ATP8B1: variants seen among roughly 807,000 people sequenced by gnomAD.
The protein encoded by ATP8B1 is ATPase phospholipid transporting 8B1.
ATP8B1 carries 80 observed loss-of-function variants against 149.9 expected under a neutral mutation model. That is an observed-to-expected ratio of 0.53 (90% CI 0.45 to 0.64). The LOEUF is 0.64. Among genes scored for constraint, ATP8B1 ranks in the 30% least tolerant of loss-of-function variants. ATP8B1 has a pLI of 0.00. For missense variants in ATP8B1, 1,247 were observed against 1,552.6 expected, an observed-to-expected ratio of 0.80 and a Z score of 3.31; for synonymous variants, 536 against 562.8, an observed-to-expected ratio of 0.95 and a Z score of 0.67.
At chr18:57,783,384 C>T (rs2080375570) in intron 1 of ATP8B1, among the ~76,000 whole-genome samples, 1 of 152,152 alleles carries the variant, frequency 6.6e-6, no homozygotes, top group Non-Finnish European at 1.5e-5. Flanking sequence ...AGGGTGGACA[C>T]ATATGGTTTA....
chr18:57,764,314 T>G (rs930460939), intron 1 of ATP8B1, among the ~76,000 whole-genome samples: 3 of 127,458 alleles, frequency 2.4e-5, no homozygotes, highest in African/African-American at 9.2e-5. Context: ...TCCTTCTTTC[T>G]TTCTTTCTTT....
chr18:57,647,049 G>C lies in ATP8B1; in HGVS notation c.*1439C>G, dbSNP rs770785019. 6.6e-6 allele frequency: 1 copy of C among 152,086 alleles called. No individual in the cohort carries two copies. Among genetic ancestry groups the C allele is most frequent in the South Asian group, 2.1e-4 (1 of 4,824 alleles). The allele number at this position is 152,086 out of a possible 1,614,324, so 9.4% of individuals were successfully genotyped here. A position where few individuals can be genotyped will look rare whatever the true frequency, so the allele number is the denominator to read the frequency against. ...GTGGCTGCCAATAACCTTTTCTCTC[G>C]ACATAAGACAAGTGAAAAAGAGTGA... On this transcript the variant is annotated 3_prime_UTR_variant, in exon 28 of 28. Transcript: ENST00000648908.
At chr18:57,672,003 A>C (rs1911241828) in intron 16 of ATP8B1, among the ~76,000 whole-genome samples, 1 of 152,242 alleles carries the variant, frequency 6.6e-6, no homozygotes, top group Admixed American at 6.5e-5. Flanking sequence ...TTAGCTTAAA[A>C]CCATCAGTTC....
chr18:57,745,350 C>T (rs2079954852), intron 1 of ATP8B1, among the ~76,000 whole-genome samples: 1 of 151,964 alleles, frequency 6.6e-6, no homozygotes, highest in South Asian at 2.1e-4. Flanking sequence ...CGGCTCACTG[C>T]AACCTCCGCC....
intron 1 of ATP8B1, among the ~76,000 whole-genome samples, chr18:57,745,276 A>AT (rs967953908): frequency 1.5e-3 from 214 of 146,840 alleles, no homozygotes; most frequent in Admixed American, 3.7e-3. Flanking sequence ...ACTGAAACAA[A>AT]TTTTTTTTTT....
chr18:57,735,423 A>G (rs919845715), intron 1 of ATP8B1: 2 of 153,196 alleles, frequency 1.3e-5, no homozygotes, highest in Non-Finnish European at 2.9e-5. Flanking sequence ...ACGACTTCTA[A>G]TAGAGCTATA....
chr18:57,672,961 A>G (rs796865899), intron 16 of ATP8B1, among the ~76,000 whole-genome samples: 17,850 of 95,996 alleles, frequency 0.19, 3,332 homozygotes, highest in East Asian at 0.55. Flanking sequence ...ATACATACAT[A>G]TATCTACATA....
At chr18:57,731,975 T>C in intron 1 of ATP8B1, 143 bp from the exon 2 acceptor site, 1 of 816,194 alleles carries the variant, frequency 1.2e-6, no homozygotes, top group Non-Finnish European at 2.0e-6. Context: ...CAAATTCAAC[T>C]TGACATGAAG....
At chr18:57,731,509 G>T in intron 2 of ATP8B1, 118 bp downstream of exon 2, 2 of 1,158,234 alleles carry the variant, frequency 1.7e-6, no homozygotes, top group Non-Finnish European at 2.5e-6. Flanking sequence ...CCTAAGAAGA[G>T]ATCAGAGAAG....
chr18:57,749,965 G>A (rs543381499), intron 1 of ATP8B1, among the ~76,000 whole-genome samples: 30 of 152,232 alleles, frequency 2.0e-4, no homozygotes, highest in Non-Finnish European at 3.7e-4. Flanking sequence ...GTTTAGTGCC[G>A]GGTGCAGTGG....
intron 1 of ATP8B1, among the ~76,000 whole-genome samples, chr18:57,766,691 G>T (rs367736934): frequency 1.1e-3 from 161 of 152,308 alleles, no homozygotes; most frequent in Non-Finnish European, 1.9e-3. Context: ...CAAGCTCCCG[G>T]GTGATGCCAG....
intron 1 of ATP8B1, among the ~76,000 whole-genome samples, chr18:57,757,534 T>G (rs7237088): frequency 0.19 from 28,290 of 152,160 alleles, 2,750 homozygotes; most frequent in South Asian, 0.31. Flanking sequence ...TATACACTTA[T>G]GCACACACGC....
In ATP8B1 at chr18:57,783,152, C is replaced by T. The variant is rs560156340; in HGVS notation, c.-26+19846G>A. 1.9e-3 allele frequency among the ~76,000 whole-genome samples: 292 copies of T among 152,060 alleles called. 1 individual carries two copies. Among genetic ancestry groups the T allele is most frequent in the Middle Eastern group, 3.4e-3 (1 of 294 alleles). On this transcript the variant is annotated intron_variant, in intron 1 of 27. Transcript: ENST00000648908. ...TAAAGATGCACTGGCTGAAGGGAGG[C>T]GGGGACGTTCCTAGAAGTATGATGG...
intron 1 of ATP8B1, among the ~76,000 whole-genome samples, chr18:57,750,690 C>G (rs2080008332): frequency 6.6e-6 from 1 of 152,218 alleles, no homozygotes; most frequent in African/African-American, 2.4e-5. Flanking sequence ...CCTCCTTCAT[C>G]TTAACAGACG....
chr18:57,714,924 A>G (rs534990293), intron 2 of ATP8B1, among the ~76,000 whole-genome samples: 2 of 152,364 alleles, frequency 1.3e-5, no homozygotes, highest in African/African-American at 4.8e-5. Context: ...CATCCAGGAA[A>G]ACATGACTTC....
rs76157409 is a variant in ATP8B1, at chr18:57,709,619, T to C, written c.182-3032A>G. Among the ~76,000 whole-genome samples the C allele has an allele frequency of 6.4e-3, 969 of 152,278 alleles. 12 individuals carry two copies. The highest frequency in any genetic ancestry group is 0.022 in the African/African-American group (931 of 41,552). On this transcript the variant is annotated intron_variant, in intron 2 of 27. Coordinates refer to ENST00000648908, the MANE Select transcript of ATP8B1 (RefSeq NM_001374385.1). ...TTACTGGACACTTGAACTACAAAGA[T>C]AATTTACAGAAAGAGTAAGCATCTT...
chr18:57,671,757 GGAC>G (rs1241893719), intron 16 of ATP8B1, among the ~76,000 whole-genome samples, 177 bp from the exon 17 acceptor site: 1 of 151,950 alleles, frequency 6.6e-6, no homozygotes, highest in African/African-American at 2.4e-5. Flanking sequence ...CGAGTAGCTG[GGAC>G]TACAGGTGCA....
At chr18:57,700,099 T>C (rs1026529508) in intron 6 of ATP8B1, among the ~76,000 whole-genome samples, 1 of 152,230 alleles carries the variant, frequency 6.6e-6, no homozygotes, top group Non-Finnish European at 1.5e-5. Flanking sequence ...GTATTCAGAA[T>C]TGCCTTCCAG....
intron 2 of ATP8B1, among the ~76,000 whole-genome samples, chr18:57,726,000 T>G (rs1036272658): frequency 3.3e-5 from 5 of 152,130 alleles, no homozygotes; most frequent in Non-Finnish European, 7.4e-5. Context: ...GAAGCCAAGG[T>G]GGGTGGATCA....
Sources: allele counts gnomAD v4.1 joint callset (sites outside exome capture counted in the v4.1 genomes callset), GRCh38; gene constraint gnomAD v4.1.1; transcripts MANE v1.5; gene names NCBI Gene and HGNC (gene_info 2026-07-23, HGNC 2026-07-21).